NINJ1: variants seen among roughly 807,000 people sequenced by gnomAD.
NINJ1 encodes ninjurin 1.
Under a neutral mutation model 12.7 loss-of-function variants are expected in NINJ1, and 6 were observed. The observed-to-expected ratio is 0.47, with a 90% confidence interval of 0.26 to 0.93. The LOEUF is 0.93. Among genes scored for constraint, NINJ1 ranks in the 40% least tolerant of loss-of-function variants. NINJ1 has a pLI of 0.15. For synonymous variants in NINJ1, 100 were observed against 96.0 expected, an observed-to-expected ratio of 1.04 and a Z score of -0.25; for missense variants, 170 against 213.0, an observed-to-expected ratio of 0.80 and a Z score of 1.26.
chr9:93,122,727 T>C (rs1827752888), intron 3 of NINJ1, among the ~76,000 whole-genome samples: 1 of 152,166 alleles, frequency 6.6e-6, no homozygotes, highest in African/African-American at 2.4e-5. Context: ...CCACGAAGCC[T>C]GAGACCTCTC....
chr9:93,123,269 A>C (rs1827759596), intron 3 of NINJ1, among the ~76,000 whole-genome samples: 1 of 150,238 alleles, frequency 6.7e-6, no homozygotes, highest in African/African-American at 2.4e-5. Context: ...CCTCATCCTC[A>C]CTATGCCCTC....
chr9:93,131,702 T>A (rs569900887), intron 1 of NINJ1, among the ~76,000 whole-genome samples: 2 of 152,240 alleles, frequency 1.3e-5, no homozygotes, highest in South Asian at 4.1e-4. Context: ...ACAAGTGAGC[T>A]GACTCAATCC....
intron 1 of NINJ1, among the ~76,000 whole-genome samples, chr9:93,128,492 C>G (rs117854543): frequency 5.1e-4 from 78 of 152,332 alleles, no homozygotes; most frequent in African/African-American, 1.5e-3. Context: ...GAGGACAGCC[C>G]GGACACAAGG....
At chr9:93,132,266 C>A (rs1239951230) in intron 1 of NINJ1, among the ~76,000 whole-genome samples, 1 of 152,180 alleles carries the variant, frequency 6.6e-6, no homozygotes. Flanking sequence ...TCGAAGTTTT[C>A]TACCCCTCAA....
intron 3 of NINJ1, among the ~76,000 whole-genome samples, chr9:93,124,470 T>C (rs1046191508): frequency 1.3e-5 from 2 of 152,162 alleles, no homozygotes; most frequent in African/African-American, 4.8e-5. Flanking sequence ...AGACGGGGTT[T>C]CACCCTGTTG....
chr9:93,129,142 G>T (rs997279472), intron 1 of NINJ1, among the ~76,000 whole-genome samples: 1 of 150,456 alleles, frequency 6.6e-6, no homozygotes, highest in Non-Finnish European at 1.5e-5. Flanking sequence ...CTGTCCTCAT[G>T]CCCACTTAAG....
Position 93,125,083 on chromosome 9 carries a change from G to A in NINJ1, c.305-21C>T, listed in dbSNP as rs761704207. On this transcript the variant is annotated intron_variant, in intron 2 of 3. Coordinates refer to ENST00000375446, the MANE Select transcript of NINJ1 (RefSeq NM_004148.4). Reference sequence around the variant, plus strand: ...CTTGACTGTGGGCGAGAGAGGAGTGGATGGTGCCAAGGGCAGCCCAGACGC... The same window carrying A: ...CTTGACTGTGGGCGAGAGAGGAGTGAATGGTGCCAAGGGCAGCCCAGACGC... 10 of 1,602,376 alleles carry A rather than the reference G, an allele frequency of 6.2e-6. No homozygotes were observed. The Admixed American group carries it at 1.5e-4, about 24-fold the overall frequency.
chr9:93,133,956 C>G (rs151247721), intron 1 of NINJ1, among the ~76,000 whole-genome samples, 187 bp downstream of exon 1: 1 of 152,290 alleles, frequency 6.6e-6, no homozygotes, highest in Non-Finnish European at 1.5e-5. Flanking sequence ...GCCCACTTGC[C>G]GGGGGTGGCT....
intron 3 of NINJ1, 120 bp downstream of exon 3, chr9:93,124,779 G>A: frequency 3.7e-6 from 4 of 1,091,388 alleles, no homozygotes; most frequent in Non-Finnish European, 5.1e-6. Flanking sequence ...TGTGGACGAG[G>A]ATGCCCATGG....
chr9:93,132,896 G>A (rs1290392743), intron 1 of NINJ1, among the ~76,000 whole-genome samples: 2 of 152,236 alleles, frequency 1.3e-5, no homozygotes, highest in Non-Finnish European at 2.9e-5. Context: ...TTTCCAAGGC[G>A]CTTCCAAGCC....
At chr9:93,133,048 C>T (rs1457905148) in intron 1 of NINJ1, among the ~76,000 whole-genome samples, 1 of 152,226 alleles carries the variant, frequency 6.6e-6, no homozygotes, top group Non-Finnish European at 1.5e-5. Context: ...GAGGAGCCCC[C>T]TGCCTATTGC....
At chr9:93,124,814 C>T (rs906480450) in intron 3 of NINJ1, 85 bp downstream of exon 3, 28 of 1,432,852 alleles carry the variant, frequency 2.0e-5, no homozygotes, top group Admixed American at 1.5e-4. Flanking sequence ...CAAGGCTGGC[C>T]GGCCAGGGAC....
intron 3 of NINJ1, among the ~76,000 whole-genome samples, chr9:93,123,422 T>C (rs1282513389): frequency 1.3e-5 from 2 of 152,286 alleles, no homozygotes; most frequent in African/African-American, 4.8e-5. Context: ...GTAGCTGGGA[T>C]TACAGGCATG....
intron 1 of NINJ1, among the ~76,000 whole-genome samples, chr9:93,127,766 G>A (rs376461927): frequency 6.6e-5 from 10 of 152,156 alleles, no homozygotes; most frequent in African/African-American, 2.4e-4. Flanking sequence ...AGGCAGCTGT[G>A]AGAACCCACT....
chr9:93,134,026 G>C, intron 1 of NINJ1, 117 bp downstream of exon 1: 4 of 703,786 alleles, frequency 5.7e-6, no homozygotes, highest in Non-Finnish European at 8.6e-6. Flanking sequence ...GCCTAGAGCG[G>C]GACGTCCCCC....
rs1229891928 is a variant in NINJ1, at chr9:93,134,088, G to A, written c.75+55C>T. The A allele has an allele frequency of 1.7e-5, 23 of 1,349,962 alleles. No homozygotes were observed. In the East Asian group the frequency reaches 5.6e-4, roughly 33 times the overall value. 83.6% of individuals were successfully genotyped at this position (1,349,962 alleles called of 1,614,324 possible). A position where few individuals can be genotyped will look rare whatever the true frequency, so the allele number is the denominator to read the frequency against. Reference sequence around the variant, plus strand: ...ACACAGGTGCCCGGGGAGCCGCGGCGCCCCGAAAGGACAGGGCCTGGCAAG... The same window carrying A: ...ACACAGGTGCCCGGGGAGCCGCGGCACCCCGAAAGGACAGGGCCTGGCAAG... On this transcript the variant is annotated intron_variant, in intron 1 of 3. Transcript: ENST00000375446.
At chr9:93,126,803 G>C (rs1011909795) in intron 1 of NINJ1, among the ~76,000 whole-genome samples, 165 bp from the exon 2 acceptor site, 2 of 152,116 alleles carry the variant, frequency 1.3e-5, no homozygotes, top group African/African-American at 2.4e-5. Flanking sequence ...GAGAGGCTGC[G>C]AGCATGTGCT....
chr9:93,124,773 G>T (rs1010933571), intron 3 of NINJ1, 126 bp downstream of exon 3: 3 of 1,037,582 alleles, frequency 2.9e-6, no homozygotes. Flanking sequence ...TGTAGGTGTG[G>T]ACGAGGATGC....
chr9:93,124,297 CAG>C (rs780306055), intron 3 of NINJ1, among the ~76,000 whole-genome samples: 2 of 152,140 alleles, frequency 1.3e-5, no homozygotes, highest in Non-Finnish European at 2.9e-5. Flanking sequence ...TTTTTTGAGA[CAG>C]AGTCTCACTC....
Sources: allele counts gnomAD v4.1 joint callset (sites outside exome capture counted in the v4.1 genomes callset), GRCh38; gene constraint gnomAD v4.1.1; transcripts MANE v1.5; gene names NCBI Gene and HGNC (gene_info 2026-07-23, HGNC 2026-07-21).